ATP10A: variants seen among roughly 807,000 people sequenced by gnomAD.
ATP10A encodes the protein phospholipid-transporting ATPase VA.
A neutral mutation model predicts 147.8 loss-of-function variants in ATP10A; 111 were observed. That is an observed-to-expected ratio of 0.75 (90% CI 0.64 to 0.88). The LOEUF (loss-of-function observed/expected upper bound fraction) is 0.88. Ranked by LOEUF, ATP10A falls within the 40% of genes least tolerant of loss-of-function variation. ATP10A has a pLI of 0.00. For missense variants in ATP10A, 1,927 were observed against 1,959.0 expected (o/e 0.98, Z 0.31); for synonymous variants, 875 against 841.6 (o/e 1.04, Z -0.69).
chr15:25,770,419 A>C (rs559042313), intron 2 of ATP10A, among the ~76,000 whole-genome samples: 8 of 152,290 alleles, frequency 5.3e-5, no homozygotes, highest in South Asian at 2.1e-4. Flanking sequence ...CAGCAGGCCA[A>C]GGGGCTGACT....
rs539111036 is a variant in ATP10A, at chr15:25,747,084, C to T, written c.655-10943G>A. 6.5e-4 allele frequency among the ~76,000 whole-genome samples: 99 copies of T among 152,174 alleles called. 1 individual carries two copies. Among genetic ancestry groups the T allele is most frequent in the Middle Eastern group, 3.4e-3 (1 of 294 alleles). On this transcript the variant is annotated intron_variant, in intron 2 of 20. Coordinates refer to ENST00000555815, the MANE Select transcript of ATP10A (RefSeq NM_024490.4). Reference sequence around the variant, plus strand: ...GGTGGATCAAGTGAGGTCAGGAGTTCGAGGCCAGCCTGGCCAATATGATGA... The same window carrying T: ...GGTGGATCAAGTGAGGTCAGGAGTTTGAGGCCAGCCTGGCCAATATGATGA...
intron 10 of ATP10A, 36 bp downstream of exon 10, chr15:25,713,638 C>G (rs976188038): frequency 6.3e-7 from 1 of 1,596,738 alleles, no homozygotes; most frequent in African/African-American, 1.3e-5. Flanking sequence ...ACCTCCTCCC[C>G]CGAGCTGGGG....
chr15:25,781,728 T>C (rs1889936120), intron 1 of ATP10A, among the ~76,000 whole-genome samples: 2 of 152,046 alleles, frequency 1.3e-5, no homozygotes, highest in African/African-American at 4.8e-5. Context: ...GAAAAGAGTA[T>C]TCATAAAGGC....
At chr15:25,861,306 G>C (rs1438640267) in intron 1 of ATP10A, among the ~76,000 whole-genome samples, 1 of 152,198 alleles carries the variant, frequency 6.6e-6, no homozygotes, top group Non-Finnish European at 1.5e-5. Context: ...AGTTTCAGAA[G>C]CACGAGCAAA....
chr15:25,786,930 T>C (rs953112884), intron 1 of ATP10A, among the ~76,000 whole-genome samples: 4 of 151,838 alleles, frequency 2.6e-5, no homozygotes. Context: ...CCACCGTGCC[T>C]GGCCCATTAT....
rs1899318114 is a variant in ATP10A at position 25,680,142 on chromosome 15, G to C, written c.3845C>G (p.Pro1282Arg). 1 of 1,613,930 alleles carries C rather than the reference G, an allele frequency of 6.2e-7. No homozygotes were observed. Among genetic ancestry groups the C allele is most frequent in the Non-Finnish European group, 8.5e-7 (1 of 1,180,028 alleles). ...CCACCTGGGCAGCAGTGCAGCGACA[G>C]GCGTCATCAGGCAAGTCAAGTAAAA... Reference protein sequence around the residue: ...PVFYLTCLMTPVAALLPRLFF... With the variant: ...PVFYLTCLMTRVAALLPRLFF... Residue 1282 changes from proline (P) to arginine (R), a missense_variant, in exon 20 of 21, where the codon CCT becomes CGT. Coordinates refer to ENST00000555815, the MANE Select transcript of ATP10A (RefSeq NM_024490.4).
At chr15:25,860,540 G>A (rs774767091) in intron 1 of ATP10A, among the ~76,000 whole-genome samples, 2 of 152,190 alleles carry the variant, frequency 1.3e-5, no homozygotes, top group Admixed American at 6.5e-5. Context: ...ACAGAAGTAG[G>A]GCATTGCGCC....
At chr15:25,835,075 C>A (rs1892532978) in intron 1 of ATP10A, among the ~76,000 whole-genome samples, 1 of 152,004 alleles carries the variant, frequency 6.6e-6, no homozygotes, top group African/African-American at 2.4e-5. Context: ...CCAGCCTGGG[C>A]AACACAGTGA....
At chr15:25,797,848 C>T (rs1278105150) in intron 1 of ATP10A, among the ~76,000 whole-genome samples, 2 of 152,112 alleles carry the variant, frequency 1.3e-5, no homozygotes, top group African/African-American at 4.8e-5. Context: ...AGCCATGCTA[C>T]CCGATCTCAC....
rs762555301 is a variant in ATP10A, at chr15:25,687,789, A to G, written c.3205T>C (p.Tyr1069His). 6.2e-7 allele frequency: 1 copy of G among 1,613,910 alleles called. No individual in the cohort carries two copies. The highest frequency in any genetic ancestry group is 1.1e-5 in the South Asian group (1 of 91,076). ...ASDFAVPKFRYLERLLILHGH... is the reference protein window; with the variant it reads ...ASDFAVPKFRHLERLLILHGH... ...TGAAGAATCAAGAGCCTCTCCAGGT[A>G]TCGGAATTTCGGCACTGCAAAGTCG... Residue 1069 changes from tyrosine (Y) to histidine (H), a missense_variant, in exon 16 of 21, where the codon TAC becomes CAC. By Grantham distance (83) the Tyr-to-His change is moderately conservative. Transcript: ENST00000555815.
Position 25,695,060 on chromosome 15 carries a change from T to C in ATP10A, c.2847A>G (p.Lys949=). 1 of 1,614,152 alleles carries C rather than the reference T, an allele frequency of 6.2e-7. No individual in the cohort carries two copies. The highest frequency in any genetic ancestry group is 2.2e-5 in the East Asian group (1 of 44,872). ...LQRAPEKTKG[K]VSMRFSSLCP... ...AGAGAGAGGAGAACCTCATGCTCACTTTGCCCTTGGTCTTCTCAGGGGCTC... is the reference window on the plus strand; with the variant it reads ...AGAGAGAGGAGAACCTCATGCTCACCTTGCCCTTGGTCTTCTCAGGGGCTC... The change falls in exon 14 of 21, where the codon AAA becomes AAG. Residue 949 remains lysine (K), a synonymous_variant. Coordinates refer to ENST00000555815, the MANE Select transcript of ATP10A (RefSeq NM_024490.4).
intron 15 of ATP10A, among the ~76,000 whole-genome samples, chr15:25,688,505 A>G (rs1006901198): frequency 5.3e-4 from 81 of 152,256 alleles, no homozygotes; most frequent in African/African-American, 1.9e-3. Flanking sequence ...AGTGAAGCCA[A>G]CTAGGCTGGA....
rs1181661199 is a variant in ATP10A at position 25,683,307 on chromosome 15, G to A, written c.3471C>T (p.Tyr1157=). ...TTACCTCCATGTTCTGGCCACTCTT[G>A]TAGAGCTGCGGGTTGGTCAGCAGCA... ...ANVLLTNPQL[Y]KSGQNMEEYR... The change falls in exon 17 of 21, where the codon TAC becomes TAT. Residue 1157 remains tyrosine (Y), a synonymous_variant. Transcript: ENST00000555815. The A allele has an allele frequency of 1.2e-6, 2 of 1,613,934 alleles. No homozygotes were observed. Among genetic ancestry groups the A allele is most frequent in the Non-Finnish European group, 1.7e-6 (2 of 1,180,024 alleles).
intron 1 of ATP10A, among the ~76,000 whole-genome samples, chr15:25,839,357 A>G (rs919438983): frequency 2.0e-5 from 3 of 152,186 alleles, no homozygotes; most frequent in Non-Finnish European, 4.4e-5. Flanking sequence ...TGTACCCTTT[A>G]TAACTAGACA....
At chr15:25,681,829 G>A (rs7162378) in intron 17 of ATP10A, among the ~76,000 whole-genome samples, 48,772 of 151,954 alleles carry the variant, frequency 0.32, 8,068 homozygotes, top group Non-Finnish European at 0.36. Flanking sequence ...CCAGGTGGGC[G>A]GATCATGAGG....
chr15:25,843,743 A>G (rs1422575798), intron 1 of ATP10A, among the ~76,000 whole-genome samples: 1 of 152,178 alleles, frequency 6.6e-6, no homozygotes, highest in Non-Finnish European at 1.5e-5. Flanking sequence ...GCCACAGGGA[A>G]ACTCCCATCT....
At chr15:25,779,021 C>T (rs796082014) in intron 2 of ATP10A, among the ~76,000 whole-genome samples, 10 of 152,152 alleles carry the variant, frequency 6.6e-5, no homozygotes, top group African/African-American at 2.2e-4. Context: ...AGACTACAGG[C>T]ATGCGCCACC....
chr15:25,773,561 T>A (rs966595464), intron 2 of ATP10A, among the ~76,000 whole-genome samples: 1 of 152,116 alleles, frequency 6.6e-6, no homozygotes, highest in African/African-American at 2.4e-5. Context: ...AATAGTGAGA[T>A]TGGAAACTCC....
At chr15:25,829,908 AAGAGG>A (rs1401480495) in intron 1 of ATP10A, among the ~76,000 whole-genome samples, 2 of 152,168 alleles carry the variant, frequency 1.3e-5, no homozygotes, top group Non-Finnish European at 2.9e-5. Flanking sequence ...GGCTTCCAAG[AAGAGG>A]AGGGCCCCAG....
Sources: gnomAD v4.1 joint callset for allele counts (sites outside exome capture counted in the v4.1 genomes callset) on GRCh38, gnomAD v4.1.1 for gene constraint, MANE v1.5 for transcripts, NCBI Gene and HGNC (gene_info 2026-07-23, HGNC 2026-07-21) for gene names.